ITIH5: variants seen among roughly 807,000 people sequenced by gnomAD.
ITIH5 encodes inter-alpha-trypsin inhibitor heavy chain 5, also known as inter-alpha-trypsin inhibitor heavy chain H5.
Under a neutral mutation model 77.5 loss-of-function variants are expected in ITIH5, and 65 were observed. The ratio of observed to expected loss-of-function variants is 0.84; its 90% CI spans 0.69 to 1.03. The LOEUF (loss-of-function observed/expected upper bound fraction) is 1.03, where lower values mean the gene tolerates loss of function less well. Among genes scored for constraint, ITIH5 ranks in the 50% least tolerant of loss-of-function variants. The pLI is 0.00. For missense variants in ITIH5, 1,208 were observed against 1,213.1 expected, an observed-to-expected ratio of 1.00 and a Z score of 0.06; for synonymous variants, 525 against 494.3, an observed-to-expected ratio of 1.06 and a Z score of -0.82.
At chr10:7,650,399 G>A (rs573938084) in intron 2 of ITIH5, among the ~76,000 whole-genome samples, 27 of 152,212 alleles carry the variant, frequency 1.8e-4, no homozygotes, top group African/African-American at 6.3e-4. Flanking sequence ...CTGACTCCAC[G>A]CACCAAATCT....
At chr10:7,591,868 G>A (rs1041979469) in intron 7 of ITIH5, among the ~76,000 whole-genome samples, 2 of 152,038 alleles carry the variant, frequency 1.3e-5, no homozygotes, top group Non-Finnish European at 2.9e-5. Context: ...ATTTATTTAT[G>A]TATTTTATTT....
chr10:7,606,561 A>G (rs1193667337), intron 7 of ITIH5, among the ~76,000 whole-genome samples: 1 of 152,218 alleles, frequency 6.6e-6, no homozygotes, highest in Non-Finnish European at 1.5e-5. Flanking sequence ...TTGAGTACAC[A>G]TGGACACGAA....
intron 1 of ITIH5, among the ~76,000 whole-genome samples, chr10:7,663,449 A>G (rs1199847136): frequency 6.6e-6 from 1 of 152,236 alleles, no homozygotes; most frequent in Non-Finnish European, 1.5e-5. Flanking sequence ...TTACATGCTA[A>G]TAAAACATAA....
intron 7 of ITIH5, among the ~76,000 whole-genome samples, chr10:7,604,043 C>G (rs1312671537): frequency 6.6e-5 from 10 of 152,198 alleles, no homozygotes; most frequent in African/African-American, 1.9e-4. Flanking sequence ...CCTGCAGGAG[C>G]TTCCCAGGCA....
chr10:7,589,514 G>A (rs2130984292), intron 7 of ITIH5, among the ~76,000 whole-genome samples: 1 of 152,198 alleles, frequency 6.6e-6, no homozygotes, highest in East Asian at 1.9e-4. Context: ...CAAGAACAAT[G>A]AACATATTTC....
intron 7 of ITIH5, among the ~76,000 whole-genome samples, chr10:7,611,900 A>G (rs898206378): frequency 6.9e-6 from 1 of 143,988 alleles, no homozygotes; most frequent in Non-Finnish European, 1.5e-5. Flanking sequence ...AATCAGTTAA[A>G]TATCCACCTG....
chr10:7,636,589 T>G (rs1201048468), intron 5 of ITIH5, among the ~76,000 whole-genome samples: 1 of 152,216 alleles, frequency 6.6e-6, no homozygotes, highest in Non-Finnish European at 1.5e-5. Flanking sequence ...ATCTTTAGGC[T>G]GATGGAATGT....
Position 7,562,180 on chromosome 10 carries a change from T to C in ITIH5, c.*903A>G, listed in dbSNP as rs1169334599. On this transcript the variant is annotated 3_prime_UTR_variant, in exon 14 of 14. Transcript: ENST00000397146. ...TGTGCACATGTAATTGATCACCTCC[T>C]GGATGACCACAAGGAAAAAAGGTCT... The C allele has an allele frequency of 6.6e-6, 1 of 152,216 alleles. No homozygotes were observed. Among genetic ancestry groups the C allele is most frequent in the East Asian group, 1.9e-4 (1 of 5,194 alleles). The allele number at this position is 152,216 out of a possible 1,614,324, so 9.4% of individuals were successfully genotyped here. A position where few individuals can be genotyped will look rare whatever the true frequency, so the allele number is the denominator to read the frequency against.
chr10:7,641,650 AAGGGAGGG>A (rs1289590153), intron 3 of ITIH5, among the ~76,000 whole-genome samples: 2 of 83,028 alleles, frequency 2.4e-5, no homozygotes, highest in Non-Finnish European at 4.6e-5. Context: ...GGAAGGAAGG[AAGGGAGGG>A]AGGGAGGGAG....
At chr10:7,653,202 C>G (rs1357190244) in intron 2 of ITIH5, among the ~76,000 whole-genome samples, 1 of 152,058 alleles carries the variant, frequency 6.6e-6, no homozygotes, top group Non-Finnish European at 1.5e-5. Flanking sequence ...AATCTGACAT[C>G]TATCAAAAAA....
intron 2 of ITIH5, among the ~76,000 whole-genome samples, chr10:7,644,716 T>G (rs1176082150): frequency 1.5e-5 from 2 of 134,398 alleles, no homozygotes; most frequent in Admixed American, 7.6e-5. Context: ...CACATATATA[T>G]CATATATATC....
chr10:7,589,225 A>G (rs1832743078), intron 7 of ITIH5, among the ~76,000 whole-genome samples: 1 of 152,248 alleles, frequency 6.6e-6, no homozygotes, highest in Non-Finnish European at 1.5e-5. Flanking sequence ...TGGGAGGCTG[A>G]GGCGGGCAAA....
intron 7 of ITIH5, among the ~76,000 whole-genome samples, chr10:7,612,718 G>A (rs1833274880): frequency 3.3e-5 from 5 of 151,240 alleles, no homozygotes; most frequent in Admixed American, 2.6e-4. Flanking sequence ...AGGTACCTAG[G>A]AATTAAATGA....
chr10:7,567,319 T>TTTATTATTATTATTA (rs59350117), intron 12 of ITIH5, among the ~76,000 whole-genome samples: 129 of 139,488 alleles, frequency 9.2e-4, no homozygotes, highest in South Asian at 1.7e-3. Flanking sequence ...TCGGACATCT[T>TTTATTATTATTATTA]TTATTATTAT....
chr10:7,578,380 C>T (rs73617534), intron 9 of ITIH5: 2,340 of 167,474 alleles, frequency 0.014, 57 homozygotes, highest in African/African-American at 0.052. Context: ...TGCCAGGTAT[C>T]GATCATAGTT....
intron 2 of ITIH5, among the ~76,000 whole-genome samples, chr10:7,647,271 C>T (rs1325432432): frequency 6.6e-6 from 1 of 152,186 alleles, no homozygotes; most frequent in African/African-American, 2.4e-5. Context: ...GAAACACAGC[C>T]ACATCCATTC....
chr10:7,576,387 G>T, intron 10 of ITIH5, 66 bp downstream of exon 10: 1 of 1,335,388 alleles, frequency 7.5e-7, no homozygotes, highest in Non-Finnish European at 1.0e-6. Flanking sequence ...GGGGCTTCCT[G>T]TGGAGGAGGT....
At chr10:7,633,800 T>A (rs1249475916) in intron 5 of ITIH5, among the ~76,000 whole-genome samples, 2 of 152,020 alleles carry the variant, frequency 1.3e-5, no homozygotes, top group Non-Finnish European at 2.9e-5. Flanking sequence ...TGAAAATGGG[T>A]CCGTGGTGGC....
In ITIH5 at chr10:7,562,492, A is replaced by C. The variant is rs1832057246; in HGVS notation, c.*591T>G. The C allele has an allele frequency of 6.5e-6, 1 of 152,752 alleles. No homozygotes were observed. Among genetic ancestry groups the C allele is most frequent in the Non-Finnish European group, 1.5e-5 (1 of 68,448 alleles). 9.5% of individuals were successfully genotyped at this position (152,752 alleles called of 1,614,324 possible). On this transcript the variant is annotated 3_prime_UTR_variant, in exon 14 of 14. Coordinates refer to ENST00000397146, the MANE Select transcript of ITIH5 (RefSeq NM_030569.7). ...TAAGGGCAAGATACCACAGCAGAAG[A>C]AAAACGTCTTGCAAGAAAAGACTTC...
Sources: allele counts gnomAD v4.1 joint callset (sites outside exome capture counted in the v4.1 genomes callset), GRCh38; gene constraint gnomAD v4.1.1; transcripts MANE v1.5; gene names NCBI Gene and HGNC (gene_info 2026-07-23, HGNC 2026-07-21).